Variants in MGAT4A observed in about 807,000 individuals in gnomAD.
MGAT4A encodes the protein alpha-1,3-mannosyl-glycoprotein 4-beta-N-acetylglucosaminyltransferase A, also known as N-acetylglucosaminyltransferase IVa.
MGAT4A carries 33 observed loss-of-function variants against 74.1 expected under a neutral mutation model. The observed-to-expected ratio is 0.45, with a 90% CI of 0.34 to 0.60. The LOEUF (loss-of-function observed/expected upper bound fraction) is 0.60, where lower values mean the gene tolerates loss of function less well. MGAT4A is among the 20% of genes least tolerant of loss of function. MGAT4A has a pLI of 0.02. For missense variants in MGAT4A, 479 were observed against 628.3 expected, an observed-to-expected ratio of 0.76 and a Z score of 2.54; for synonymous variants, 198 against 210.4, an observed-to-expected ratio of 0.94 and a Z score of 0.51.
chr2:98,672,786 T>C (rs1258284407), intron 4 of MGAT4A, among the ~76,000 whole-genome samples: 1 of 152,206 alleles, frequency 6.6e-6, no homozygotes, highest in African/African-American at 2.4e-5. Context: ...TCCCTCGATG[T>C]AGGATTTTTA....
chr2:98,658,411 G>T, intron 5 of MGAT4A, 147 bp from the exon 6 acceptor site: 1 of 564,632 alleles, frequency 1.8e-6, no homozygotes, highest in Non-Finnish European at 3.1e-6. Context: ...TTGCATTTCT[G>T]TATTGTTCTA....
chr2:98,651,277 T>C (rs988544890), intron 8 of MGAT4A, among the ~76,000 whole-genome samples: 2 of 152,206 alleles, frequency 1.3e-5, no homozygotes, highest in African/African-American at 4.8e-5. Context: ...AGTAAGGTAA[T>C]GCAGGTGCAT....
At chr2:98,718,149 A>C (rs747751423) in intron 2 of MGAT4A, among the ~76,000 whole-genome samples, 16 of 152,086 alleles carry the variant, frequency 1.1e-4, no homozygotes, top group Non-Finnish European at 1.9e-4. Context: ...AAAGGTACAC[A>C]TTTTCTCCCA....
chr2:98,658,114 C>G, intron 6 of MGAT4A, 104 bp downstream of exon 6: 1 of 738,018 alleles, frequency 1.4e-6, no homozygotes, highest in Non-Finnish European at 2.3e-6. Flanking sequence ...ACAATGAACT[C>G]CACAGAGAAA....
chr2:98,666,490 C>T (rs13388140), intron 4 of MGAT4A, among the ~76,000 whole-genome samples: 4,049 of 152,100 alleles, frequency 0.027, 183 homozygotes, highest in African/African-American at 0.089. Context: ...CCCAGGAGTT[C>T]GAGACCAGCC....
chr2:98,666,914 C>T (rs1024169504), intron 4 of MGAT4A, among the ~76,000 whole-genome samples: 5 of 152,100 alleles, frequency 3.3e-5, no homozygotes, highest in African/African-American at 9.7e-5. Flanking sequence ...TTAGATGGCA[C>T]GTGATATGGT....
Position 98,622,846 on chromosome 2 carries a change from G to C in MGAT4A, c.*2720C>G. ...GCAAGAGTATGGCAACGACAGCAGG[G>C]AGAGGGAGTTAAGAGAGAGAAAGGG... On this transcript the variant is annotated 3_prime_UTR_variant, in exon 16 of 16. Coordinates refer to ENST00000393487, the MANE Select transcript of MGAT4A (RefSeq NM_012214.3). 1 of 985,706 alleles carries C rather than the reference G, an allele frequency of 1.0e-6. No homozygotes were observed. The highest frequency in any genetic ancestry group is 4.7e-5 in the South Asian group (1 of 21,292). 61.1% of individuals were successfully genotyped at this position (985,706 alleles called of 1,614,324 possible). A position where few individuals can be genotyped will look rare whatever the true frequency, so the allele number is the denominator to read the frequency against.
rs780333346 is a variant in MGAT4A at position 98,621,502 on chromosome 2, T to C, written c.*4064A>G. ...TTCTGCCACCAGCCCGAGAAAACTC[T>C]CTGCTTTTAAAGGAGTCACAAGATT... On this transcript the variant is annotated 3_prime_UTR_variant, in exon 16 of 16. Transcript: ENST00000393487. The C allele has an allele frequency of 6.4e-6, 10 of 1,551,576 alleles. No individual in the cohort carries two copies. The African/African-American group carries it at 9.6e-5, about 15-fold the overall frequency.
chr2:98,674,374 A>C (rs1701951450), intron 4 of MGAT4A, among the ~76,000 whole-genome samples: 1 of 152,222 alleles, frequency 6.6e-6, no homozygotes. Context: ...CAAATGTATG[A>C]GTGGTAAACG....
At chr2:98,650,472 C>T (rs2104251249) in intron 8 of MGAT4A, among the ~76,000 whole-genome samples, 1 of 152,054 alleles carries the variant, frequency 6.6e-6, no homozygotes, top group African/African-American at 2.4e-5. Flanking sequence ...ACAAAGAATC[C>T]TGAAAGCCAT....
In MGAT4A at chr2:98,624,524, T is replaced by C. The variant is rs1243828366; in HGVS notation, c.*1042A>G. ...AATAATATATTTCACCAAAAAACAA[T>C]ATTACAATTTTCTTTAAAATTATAC... On this transcript the variant is annotated 3_prime_UTR_variant, in exon 16 of 16. Coordinates refer to ENST00000393487, the MANE Select transcript of MGAT4A (RefSeq NM_012214.3). The C allele has an allele frequency of 1.0e-6, 1 of 972,660 alleles. No homozygotes were observed. Among genetic ancestry groups the C allele is most frequent in the East Asian group, 1.1e-4 (1 of 8,768 alleles). 60.3% of individuals were successfully genotyped at this position (972,660 alleles called of 1,614,324 possible).
intron 10 of MGAT4A, among the ~76,000 whole-genome samples, chr2:98,643,687 A>T (rs998012983): frequency 6.6e-6 from 1 of 152,262 alleles, no homozygotes; most frequent in Non-Finnish European, 1.5e-5. Context: ...GCTTACAAAC[A>T]CTAGAAACAT....
chr2:98,672,253 C>T (rs1007915067), intron 4 of MGAT4A, among the ~76,000 whole-genome samples: 1 of 152,164 alleles, frequency 6.6e-6, no homozygotes, highest in Non-Finnish European at 1.5e-5. Context: ...TCCTTTACAT[C>T]GGTAATTAAA....
chr2:98,634,773 T>TA (rs1436573209), intron 14 of MGAT4A, among the ~76,000 whole-genome samples: 1 of 149,088 alleles, frequency 6.7e-6, no homozygotes, highest in Non-Finnish European at 1.5e-5. Flanking sequence ...TGGCGATCAA[T>TA]AAAGAAATGT....
At chr2:98,691,440 A>AT (rs1326995805) in intron 2 of MGAT4A, among the ~76,000 whole-genome samples, 1 of 149,824 alleles carries the variant, frequency 6.7e-6, no homozygotes. Flanking sequence ...CTCTGTCTCA[A>AT]AAAAAAAAAA....
chr2:98,639,732 C>A, intron 12 of MGAT4A, 76 bp downstream of exon 12: 1 of 1,375,718 alleles, frequency 7.3e-7, no homozygotes, highest in Non-Finnish European at 9.8e-7. Context: ...GGCACACACA[C>A]AAAAATCTAT....
chr2:98,643,207 T>C (rs1353972396), intron 10 of MGAT4A, among the ~76,000 whole-genome samples: 2 of 152,338 alleles, frequency 1.3e-5, no homozygotes, highest in Admixed American at 6.5e-5. Context: ...TGTTTTTTTG[T>C]AGAGATGGGT....
Position 98,621,229 on chromosome 2 carries a change from G to A in MGAT4A, c.*4337C>T. On this transcript the variant is annotated 3_prime_UTR_variant, in exon 16 of 16. Coordinates refer to ENST00000393487, the MANE Select transcript of MGAT4A (RefSeq NM_012214.3). ...GAGTTCTCGGCTTAGGGTCTCACAAGGCTGGATTCAAAGTGTTGGCCAGGC... is the reference window on the plus strand; with the variant it reads ...GAGTTCTCGGCTTAGGGTCTCACAAAGCTGGATTCAAAGTGTTGGCCAGGC... 2.9e-6 allele frequency: 2 copies of A among 684,978 alleles called. No individual in the cohort carries two copies. Among genetic ancestry groups the A allele is most frequent in the Non-Finnish European group, 4.5e-6 (2 of 448,474 alleles). The allele number at this position is 684,978 out of a possible 1,614,324, so 42.4% of individuals were successfully genotyped here.
At position 98,625,517 on chromosome 2, in the gene MGAT4A, T is replaced by C; in HGVS notation, c.*49A>G. The C allele has an allele frequency of 1.2e-6, 2 of 1,601,626 alleles. No homozygotes were observed. Among genetic ancestry groups the C allele is most frequent in the East Asian group, 4.5e-5 (2 of 44,728 alleles). On this transcript the variant is annotated 3_prime_UTR_variant, in exon 16 of 16. Transcript: ENST00000393487. ...TAAAAAAAAGATACATGCTTAACTA[T>C]CTTTAATTAACAAATTCACAGGAAA... is the stretch of plus-strand genomic sequence containing the variant.
Sources: gnomAD v4.1 joint callset for allele counts (sites outside exome capture counted in the v4.1 genomes callset) on GRCh38, gnomAD v4.1.1 for gene constraint, MANE v1.5 for transcripts, NCBI Gene and HGNC (gene_info 2026-07-23, HGNC 2026-07-21) for gene names.